The following AVEN variants were observed in gnomAD, a reference collection of about 807,000 sequenced individuals.
The protein encoded by AVEN is cell death regulator Aven.
A neutral mutation model predicts 38.1 loss-of-function variants in AVEN; 41 were observed. That is an observed-to-expected ratio of 1.08 (90% CI 0.84 to 1.40). The LOEUF is 1.40. Ranked by LOEUF, AVEN falls within the 40% of genes most tolerant of loss-of-function variation. The pLI is 0.00. For synonymous variants in AVEN, 206 were observed against 171.8 expected (o/e 1.20, Z -1.56); for missense variants, 605 against 438.8 (o/e 1.38, Z -3.38).
intron 5 of AVEN, among the ~76,000 whole-genome samples, chr15:34,050,247 T>C (rs550691004): frequency 6.6e-6 from 1 of 152,062 alleles, no homozygotes; most frequent in Non-Finnish European, 1.5e-5. Flanking sequence ...CCAACTAAGC[T>C]TTATAAGTAA....
chr15:33,885,448 C>T (rs1324131900), intron 2 of AVEN, among the ~76,000 whole-genome samples: 1 of 152,162 alleles, frequency 6.6e-6, no homozygotes, highest in Non-Finnish European at 1.5e-5. Context: ...TGATGTCCTT[C>T]ACCTCAATAT....
chr15:33,920,484 A>G (rs1893351832), intron 2 of AVEN, among the ~76,000 whole-genome samples: 1 of 152,196 alleles, frequency 6.6e-6, no homozygotes, highest in African/African-American at 2.4e-5. Context: ...TGTTGTCAAT[A>G]TCACGGTATT....
At position 33,867,812 on chromosome 15, in the gene AVEN, G is replaced by A. The variant is rs747539138; in HGVS notation, c.656C>T (p.Thr219Ile). 5 of 1,606,686 alleles carry A rather than the reference G, an allele frequency of 3.1e-6. No individual in the cohort carries two copies. Among genetic ancestry groups the A allele is most frequent in the Admixed American group, 3.4e-5 (2 of 57,982 alleles). The change falls in exon 5 of 6, where the codon ACT (threonine) becomes ATT (isoleucine). Residue 219 changes from threonine (T) to isoleucine (I), a missense_variant. Physicochemically the swap from Thr to Ile is moderately conservative, Grantham distance 89. Coordinates refer to ENST00000306730, the MANE Select transcript of AVEN (RefSeq NM_020371.3). ...LEVPQVKPKR[T>I]DDGKGLGMQL... ...CATCCCTAATCCCTTGCCATCATCA[G>A]TTCTCTTTGGTTTCACCTGAGGAAC... is the stretch of plus-strand genomic sequence containing the variant.
intron 2 of AVEN, among the ~76,000 whole-genome samples, chr15:33,917,353 T>G (rs1333573598): frequency 7.3e-5 from 3 of 40,946 alleles, no homozygotes; most frequent in Admixed American, 2.8e-4. Context: ...GAAAATGTGG[T>G]GTGTGTGTGT....
intron 5 of AVEN, among the ~76,000 whole-genome samples, chr15:34,044,680 C>T (rs1567486449): frequency 2.0e-5 from 3 of 152,224 alleles, no homozygotes; most frequent in East Asian, 1.9e-4. Context: ...TGGCAGGAGT[C>T]GACAGTGTAT....
chr15:34,019,969 C>T (rs1031884784), intron 1 of AVEN, among the ~76,000 whole-genome samples: 2 of 152,162 alleles, frequency 1.3e-5, no homozygotes, highest in African/African-American at 4.8e-5. Flanking sequence ...ATGCATACAA[C>T]AAGTTCAAAA....
intron 11 of AVEN, chr15:33,860,614 C>G: frequency 6.3e-7 from 1 of 1,590,414 alleles, no homozygotes. Flanking sequence ...TTGATGCTTT[C>G]GGAGAGCTAA....
rs1597164421 is a variant in AVEN, at chr15:33,867,221, C to T, written c.973+274G>A. 3.9e-5 allele frequency among the ~76,000 whole-genome samples: 6 copies of T among 152,324 alleles called. No homozygotes were observed. In the South Asian group the frequency reaches 1.2e-3, roughly 32 times the overall value. On this transcript the variant is annotated intron_variant, in intron 5 of 5. Coordinates refer to ENST00000306730, the MANE Select transcript of AVEN (RefSeq NM_020371.3). ...CTGAAGGCTACAGGTATCCTAATGC[C>T]TTCTGATAGCGGAAATTCCATTTGC...
chr15:33,865,404 ACATACACTGTGG>A (rs1890169229), downstream of AVEN: 1 of 577,432 alleles, frequency 1.7e-6, no homozygotes, highest in Non-Finnish European at 3.1e-6. Flanking sequence ...TGCCTAATGG[ACATACACTGTGG>A]GAGAGAACCT....
chr15:33,855,789 C>G (rs2079593793), downstream of AVEN: 2 of 151,404 alleles, frequency 1.3e-5, no homozygotes, highest in South Asian at 4.1e-4. Flanking sequence ...GAAATTGACT[C>G]TGACAATATA....
At chr15:33,875,244 A>T (rs1485680422) in intron 3 of AVEN, among the ~76,000 whole-genome samples, 5 of 152,194 alleles carry the variant, frequency 3.3e-5, no homozygotes, top group Non-Finnish European at 7.3e-5. Context: ...TCAGTTTATC[A>T]GACAGTATGC....
At chr15:34,023,948 G>A (rs1169435426) in intron 1 of AVEN, among the ~76,000 whole-genome samples, 2 of 152,188 alleles carry the variant, frequency 1.3e-5, no homozygotes, top group African/African-American at 4.8e-5. Flanking sequence ...AGCCCAGAGA[G>A]TGGATTTGAT....
At chr15:33,888,063 C>T (rs969963684) in intron 2 of AVEN, among the ~76,000 whole-genome samples, 4 of 152,104 alleles carry the variant, frequency 2.6e-5, no homozygotes, top group African/African-American at 9.6e-5. Flanking sequence ...AAAAAAGTAA[C>T]CCCTCCGTGA....
downstream of AVEN, among the ~76,000 whole-genome samples, chr15:33,863,425 C>T (rs1275251722): frequency 6.6e-6 from 1 of 152,030 alleles, no homozygotes; most frequent in Admixed American, 6.5e-5. Context: ...AGACTCTCCA[C>T]CCTCAGAAGG....
chr15:34,016,671 G>GT (rs548632941), intron 1 of AVEN, among the ~76,000 whole-genome samples: 7 of 152,186 alleles, frequency 4.6e-5, no homozygotes, highest in Non-Finnish European at 8.8e-5. Flanking sequence ...ATGCTATGGA[G>GT]TATGTAATCA....
At chr15:33,956,872 G>A (rs1446922809) in intron 2 of AVEN, among the ~76,000 whole-genome samples, 3 of 152,114 alleles carry the variant, frequency 2.0e-5, no homozygotes, top group Non-Finnish European at 4.4e-5. Context: ...TTTCCCAGAT[G>A]GTGAACTCCA....
At chr15:34,012,636 C>T (rs1422781484) in intron 1 of AVEN, among the ~76,000 whole-genome samples, 1 of 152,202 alleles carries the variant, frequency 6.6e-6, no homozygotes, top group Non-Finnish European at 1.5e-5. Context: ...CTTAGTCACT[C>T]AGGTTTTAAT....
chr15:33,866,736 A>AAAAAAAACAATGTTAACACCCTCAGAT lies in AVEN; in HGVS notation c.974-35_974-9dup. On this transcript the variant is annotated splice_polypyrimidine_tract_variant and intron_variant, in intron 5 of 5. Transcript: ENST00000306730. ...CAGATGGTTTTGCACAAACTGGGGG[A>AAAAAAAACAATGTTAACACCCTCAGAT]AAAAAAACAATGTTAACACCCTCAG... is the stretch of plus-strand genomic sequence containing the variant. The AAAAAAAACAATGTTAACACCCTCAGAT allele has an allele frequency of 6.3e-7, 1 of 1,589,982 alleles. No homozygotes were observed. The highest frequency in any genetic ancestry group is 8.6e-7 in the Non-Finnish European group (1 of 1,159,042).
intron 1 of AVEN, among the ~76,000 whole-genome samples, chr15:34,032,718 G>C (rs993978080): frequency 2.0e-5 from 3 of 152,118 alleles, no homozygotes; most frequent in African/African-American, 4.8e-5. Context: ...TTTCCCAAAA[G>C]CAGTCTACCC....
Sources: gnomAD v4.1 joint callset for allele counts (sites outside exome capture counted in the v4.1 genomes callset) on GRCh38, gnomAD v4.1.1 for gene constraint, MANE v1.5 for transcripts, NCBI Gene and HGNC (gene_info 2026-07-23, HGNC 2026-07-21) for gene names.